Variants in ERC2 observed in about 807,000 individuals in gnomAD.
The protein encoded by ERC2 is ERC protein 2.
Under a neutral mutation model 114.8 loss-of-function variants are expected in ERC2, and 42 were observed. That is an observed-to-expected ratio of 0.37 (90% CI 0.29 to 0.47). The LOEUF is 0.47. ERC2 is among the 20% of genes least tolerant of loss of function. The probability of loss-of-function intolerance (pLI) is 0.99; values close to 1 mark genes in which losing one functional copy is unlikely to be tolerated. For synonymous variants in ERC2, 454 were observed against 425.5 expected (o/e 1.07, Z -0.82); for missense variants, 939 against 1,150.7 (o/e 0.82, Z 2.66).
intron 2 of ERC2, among the ~76,000 whole-genome samples, chr3:56,421,167 A>G (rs1300511696): frequency 1.3e-5 from 2 of 152,228 alleles, no homozygotes; most frequent in African/African-American, 4.8e-5. Flanking sequence ...ATGGCTAGTT[A>G]TAGACAGAAG....
At chr3:55,896,918 T>C (rs1337226191) in intron 13 of ERC2, among the ~76,000 whole-genome samples, 1 of 152,234 alleles carries the variant, frequency 6.6e-6, no homozygotes, top group African/African-American at 2.4e-5. Context: ...TAAAACTCTC[T>C]TTTAAAATAG....
At chr3:55,904,101 G>A (rs567709343) in intron 13 of ERC2, among the ~76,000 whole-genome samples, 8 of 152,292 alleles carry the variant, frequency 5.3e-5, no homozygotes, top group Non-Finnish European at 1.2e-4. Flanking sequence ...CATTTTCAGA[G>A]GTGATGGAGA....
intron 14 of ERC2, among the ~76,000 whole-genome samples, chr3:55,765,683 T>A (rs2067727533): frequency 6.6e-6 from 1 of 152,176 alleles, no homozygotes; most frequent in Non-Finnish European, 1.5e-5. Context: ...ACTGGGGCTA[T>A]TACATCATGC....
intron 12 of ERC2, among the ~76,000 whole-genome samples, chr3:55,966,850 C>A (rs1394161624): frequency 6.6e-6 from 1 of 152,194 alleles, no homozygotes; most frequent in Non-Finnish European, 1.5e-5. Flanking sequence ...CAAGTGCTTT[C>A]TCTCCTTCTC....
intron 3 of ERC2, among the ~76,000 whole-genome samples, chr3:56,277,121 A>C (rs897165533): frequency 6.6e-6 from 1 of 152,200 alleles, no homozygotes; most frequent in African/African-American, 2.4e-5. Context: ...TTCTCCATAA[A>C]ACAACTGAAT....
intron 3 of ERC2, among the ~76,000 whole-genome samples, chr3:56,215,587 G>A (rs1487888398): frequency 1.3e-5 from 2 of 152,112 alleles, no homozygotes; most frequent in African/African-American, 4.8e-5. Context: ...AGATCAATGG[G>A]ACAGAAAGTT....
At chr3:56,172,974 G>C (rs2082759329) in intron 4 of ERC2, among the ~76,000 whole-genome samples, 1 of 152,078 alleles carries the variant, frequency 6.6e-6, no homozygotes, top group African/African-American at 2.4e-5. Flanking sequence ...AGAAAATACT[G>C]GGGTCACCAG....
intron 2 of ERC2, among the ~76,000 whole-genome samples, chr3:56,411,220 C>T (rs1374598918): frequency 6.6e-6 from 1 of 151,356 alleles, no homozygotes; most frequent in Non-Finnish European, 1.5e-5. Context: ...AAACTGAGAT[C>T]TCTGAAAATC....
At chr3:56,042,120 C>T (rs1032921030) in intron 7 of ERC2, among the ~76,000 whole-genome samples, 3 of 152,138 alleles carry the variant, frequency 2.0e-5, no homozygotes, top group Non-Finnish European at 4.4e-5. Flanking sequence ...AGAGAAGGAA[C>T]TCTCAGCCCC....
At chr3:55,604,386 G>T (rs1423355174) in intron 17 of ERC2, among the ~76,000 whole-genome samples, 1 of 152,172 alleles carries the variant, frequency 6.6e-6, no homozygotes, top group Non-Finnish European at 1.5e-5. Flanking sequence ...AACCAGTGGA[G>T]AGAGTAGCTT....
At chr3:56,348,901 AAGGAAAGAAGGAAGGAAGGAAG>A in intron 2 of ERC2, among the ~76,000 whole-genome samples, 1 of 33,102 alleles carries the variant, frequency 3.0e-5, no homozygotes, top group Middle Eastern at 0.017. Flanking sequence ...GGAAGGAAGG[AAGGAAAGAAGGAAGGAAGGAAG>A]GAAGGAAGGA....
chr3:56,389,464 G>A (rs2060051079), intron 2 of ERC2, among the ~76,000 whole-genome samples: 1 of 152,166 alleles, frequency 6.6e-6, no homozygotes. Flanking sequence ...CCCAGCTCAT[G>A]ACAGTGGCAT....
At chr3:56,456,854 A>C (rs1299422851) in intron 1 of ERC2, among the ~76,000 whole-genome samples, 1 of 152,230 alleles carries the variant, frequency 6.6e-6, no homozygotes, top group Non-Finnish European at 1.5e-5. Context: ...GTCATGGTAC[A>C]GTAGCTCAGA....
At chr3:56,320,101 A>T (rs568077429) in intron 2 of ERC2, among the ~76,000 whole-genome samples, 1 of 152,338 alleles carries the variant, frequency 6.6e-6, no homozygotes, top group African/African-American at 2.4e-5. Context: ...CCTCCAAGGG[A>T]ATACAACGGG....
intron 2 of ERC2, among the ~76,000 whole-genome samples, chr3:56,297,936 T>A (rs2055562410): frequency 6.6e-6 from 1 of 152,226 alleles, no homozygotes; most frequent in African/African-American, 2.4e-5. Context: ...ATCCAATTCA[T>A]ATTCCCATTT....
intron 10 of ERC2, among the ~76,000 whole-genome samples, chr3:55,997,800 C>G (rs1284469554): frequency 1.3e-5 from 2 of 148,700 alleles, no homozygotes; most frequent in African/African-American, 4.9e-5. Flanking sequence ...TATATCAATA[C>G]CAGGCATCAT....
At chr3:56,425,777 A>G (rs2061549812) in intron 2 of ERC2, among the ~76,000 whole-genome samples, 1 of 152,174 alleles carries the variant, frequency 6.6e-6, no homozygotes, top group African/African-American at 2.4e-5. Flanking sequence ...GTTATCAATT[A>G]ACGGTTTCTG....
chr3:56,278,993 C>T (rs2150316078), intron 3 of ERC2, among the ~76,000 whole-genome samples: 1 of 152,280 alleles, frequency 6.6e-6, no homozygotes, highest in Admixed American at 6.5e-5. Context: ...TAGCATGTGC[C>T]ATACCAGGCA....
At chr3:55,704,128 T>A (rs1267472131) in intron 15 of ERC2, among the ~76,000 whole-genome samples, 1 of 152,220 alleles carries the variant, frequency 6.6e-6, no homozygotes, top group Non-Finnish European at 1.5e-5. Context: ...ATGAGCACCA[T>A]CTGTGAAAAG....
Sources: allele counts gnomAD v4.1 joint callset (sites outside exome capture counted in the v4.1 genomes callset), GRCh38; gene constraint gnomAD v4.1.1; transcripts MANE v1.5; gene names NCBI Gene and HGNC (gene_info 2026-07-23, HGNC 2026-07-21).